Variants in ADAMTS19 observed in about 807,000 individuals in gnomAD.
ADAMTS19 encodes A disintegrin and metalloproteinase with thrombospondin motifs 19.
Under a neutral mutation model 153.3 loss-of-function variants are expected in ADAMTS19, and 93 were observed. The observed-to-expected ratio is 0.61, with a 90% CI of 0.51 to 0.72. ADAMTS19 has a LOEUF of 0.72. ADAMTS19 is among the 30% of genes least tolerant of loss of function. The pLI is 0.00. For missense variants in ADAMTS19, 1,482 were observed against 1,552.1 expected (o/e 0.95, Z 0.76); for synonymous variants, 600 against 556.6 (o/e 1.08, Z -1.10).
rs908977522 is a variant in ADAMTS19, at chr5:129,468,879, C to A, written c.747+7122C>A. On this transcript the variant is annotated intron_variant, in intron 2 of 22. Transcript: ENST00000274487. ...GCAACCTCCGTCTCCTGGGTTCCTG[C>A]CATTCTCCTGCCTCAGCCTCCGAAG... 7.2e-5 allele frequency among the ~76,000 whole-genome samples: 11 copies of A among 151,886 alleles called. No individual in the cohort carries two copies. The East Asian group carries it at 2.1e-3, about 30-fold the overall frequency.
chr5:129,568,794 C>T (rs545971927), intron 7 of ADAMTS19, among the ~76,000 whole-genome samples: 4 of 151,904 alleles, frequency 2.6e-5, no homozygotes, highest in Admixed American at 2.6e-4. Flanking sequence ...TGTACTCCAG[C>T]CTGGGTGACA....
intron 3 of ADAMTS19, among the ~76,000 whole-genome samples, chr5:129,514,434 A>T (rs1751533295): frequency 6.6e-6 from 1 of 152,054 alleles, no homozygotes; most frequent in Non-Finnish European, 1.5e-5. Flanking sequence ...TTTTCTTCAC[A>T]TCCTTGCCAG....
intron 4 of ADAMTS19, among the ~76,000 whole-genome samples, chr5:129,527,129 G>T (rs899039282): frequency 6.6e-6 from 1 of 151,780 alleles, no homozygotes; most frequent in Non-Finnish European, 1.5e-5. Flanking sequence ...TATCATGTTA[G>T]GGATGCTTAT....
At chr5:129,692,128 A>C (rs1472247244) in intron 18 of ADAMTS19, among the ~76,000 whole-genome samples, 4 of 152,184 alleles carry the variant, frequency 2.6e-5, no homozygotes, top group Admixed American at 2.6e-4. Flanking sequence ...TATTTATTTT[A>C]ATCCTGCTTT....
chr5:129,550,996 T>G (rs1017298877), intron 6 of ADAMTS19, among the ~76,000 whole-genome samples: 1 of 151,690 alleles, frequency 6.6e-6, no homozygotes, highest in East Asian at 1.9e-4. Flanking sequence ...TTATATGTGT[T>G]AATTCATGTC....
intron 2 of ADAMTS19, among the ~76,000 whole-genome samples, chr5:129,499,038 T>C (rs1751017478): frequency 6.6e-6 from 1 of 151,990 alleles, no homozygotes; most frequent in African/African-American, 2.4e-5. Context: ...CATTAAATAA[T>C]CATCAGGAAG....
intron 10 of ADAMTS19, among the ~76,000 whole-genome samples, chr5:129,639,297 T>C (rs1412241627): frequency 6.6e-6 from 1 of 152,186 alleles, no homozygotes; most frequent in African/African-American, 2.4e-5. Flanking sequence ...ATCTGAGGTA[T>C]TCCACTTTTC....
chr5:129,672,265 C>T (rs952427580), intron 16 of ADAMTS19, among the ~76,000 whole-genome samples: 1 of 152,082 alleles, frequency 6.6e-6, no homozygotes, highest in African/African-American at 2.4e-5. Context: ...CCGAAGACTC[C>T]ACCTCCTAAT....
chr5:129,716,991 T>C (rs1254427566), intron 21 of ADAMTS19, among the ~76,000 whole-genome samples: 3 of 152,242 alleles, frequency 2.0e-5, no homozygotes, highest in Admixed American at 1.3e-4. Context: ...CTACAGTCTC[T>C]ATGTCTTTGT....
At chr5:129,576,297 C>T (rs1438451653) in intron 7 of ADAMTS19, among the ~76,000 whole-genome samples, 1 of 151,948 alleles carries the variant, frequency 6.6e-6, no homozygotes, top group African/African-American at 2.4e-5. Context: ...TCTTCTTCCT[C>T]CTGTACCATA....
intron 7 of ADAMTS19, among the ~76,000 whole-genome samples, chr5:129,578,121 C>T (rs1319419460): frequency 2.3e-5 from 3 of 130,758 alleles, no homozygotes; most frequent in Non-Finnish European, 4.9e-5. Context: ...TGTATATGTA[C>T]GTATACGTAC....
At chr5:129,658,351 A>AGAGAGAGAGAGAG (rs1554103337) in intron 14 of ADAMTS19, among the ~76,000 whole-genome samples, 1,378 of 133,198 alleles carry the variant, frequency 0.01, 31 homozygotes, top group East Asian at 0.016. Context: ...GAAAGAAAGA[A>AGAGAGAGAGAGAG]AGAAAGAAAG....
At chr5:129,657,920 T>TA (rs1244745052) in intron 14 of ADAMTS19, among the ~76,000 whole-genome samples, 1 of 152,196 alleles carries the variant, frequency 6.6e-6, no homozygotes. Context: ...CTTTGAGACT[T>TA]ATGTAAATTG....
intron 21 of ADAMTS19, among the ~76,000 whole-genome samples, chr5:129,728,918 T>TA (rs1184415305): frequency 6.6e-6 from 1 of 152,142 alleles, no homozygotes; most frequent in Non-Finnish European, 1.5e-5. Context: ...AAGACTATGT[T>TA]AGACAGGACT....
intron 21 of ADAMTS19, among the ~76,000 whole-genome samples, chr5:129,731,811 A>G (rs1400250087): frequency 6.6e-6 from 1 of 152,144 alleles, no homozygotes; most frequent in Non-Finnish European, 1.5e-5. Context: ...ATATTTACCA[A>G]TTTGTAATCA....
chr5:129,552,744 A>G (rs1302341309), intron 7 of ADAMTS19, among the ~76,000 whole-genome samples: 1 of 151,924 alleles, frequency 6.6e-6, no homozygotes, highest in Non-Finnish European at 1.5e-5. Context: ...GAACATAGGG[A>G]TATTAGTATT....
chr5:129,552,740 A>T (rs1274105998), intron 7 of ADAMTS19, among the ~76,000 whole-genome samples: 1 of 151,940 alleles, frequency 6.6e-6, no homozygotes, highest in Non-Finnish European at 1.5e-5. Context: ...AACAGAACAT[A>T]GGGATATTAG....
At chr5:129,532,915 C>A (rs1291738574) in intron 6 of ADAMTS19, among the ~76,000 whole-genome samples, 1 of 152,124 alleles carries the variant, frequency 6.6e-6, no homozygotes, top group Non-Finnish European at 1.5e-5. Context: ...TCAGCCTTGT[C>A]AACATGGTAA....
chr5:129,580,274 G>T (rs1026372469), intron 7 of ADAMTS19, among the ~76,000 whole-genome samples: 3 of 152,082 alleles, frequency 2.0e-5, no homozygotes, highest in Non-Finnish European at 4.4e-5. Flanking sequence ...TGTGATTTTT[G>T]CACATTGATT....
Sources: gnomAD v4.1 joint callset for allele counts (sites outside exome capture counted in the v4.1 genomes callset) on GRCh38, gnomAD v4.1.1 for gene constraint, MANE v1.5 for transcripts, NCBI Gene and HGNC (gene_info 2026-07-23, HGNC 2026-07-21) for gene names.